SYT2: variants seen among roughly 807,000 people sequenced by gnomAD.
The protein encoded by SYT2 is synaptotagmin-2.
SYT2 carries 15 observed loss-of-function variants against 39.9 expected under a neutral mutation model. The observed-to-expected ratio is 0.38, with a 90% CI of 0.25 to 0.58. SYT2 has a LOEUF of 0.58. Ranked by LOEUF, SYT2 falls within the 20% of genes least tolerant of loss-of-function variation. SYT2 has a pLI of 0.70. For synonymous variants in SYT2, 181 were observed against 204.5 expected, an observed-to-expected ratio of 0.89 and a Z score of 0.98; for missense variants, 389 against 530.3, an observed-to-expected ratio of 0.73 and a Z score of 2.62.
At chr1:202,677,134 T>G (rs891540439) in intron 1 of SYT2, among the ~76,000 whole-genome samples, 1 of 152,222 alleles carries the variant, frequency 6.6e-6, no homozygotes, top group African/African-American at 2.4e-5. Context: ...TGTGAGTTGA[T>G]GAAATCTCTC....
chr1:202,657,447 A>T (rs1692296967), intron 1 of SYT2, among the ~76,000 whole-genome samples: 1 of 152,082 alleles, frequency 6.6e-6, no homozygotes, highest in Non-Finnish European at 1.5e-5. Context: ...CTGGCTTCTT[A>T]GGCATTTGAA....
At chr1:202,709,295 C>T (rs1654330344) in intron 1 of SYT2, among the ~76,000 whole-genome samples, 2 of 152,190 alleles carry the variant, frequency 1.3e-5, no homozygotes, top group Non-Finnish European at 2.9e-5. Context: ...GGACACTGCC[C>T]TGCCAGGAGA....
intron 2 of SYT2, 117 bp downstream of exon 2, chr1:202,605,478 G>A (rs750375487): frequency 8.9e-6 from 9 of 1,010,204 alleles, no homozygotes; most frequent in Non-Finnish European, 1.2e-5. Context: ...AACCCAGCCT[G>A]AAATCTAAGC....
intron 1 of SYT2, among the ~76,000 whole-genome samples, chr1:202,704,958 A>G (rs1302738253): frequency 1.3e-5 from 2 of 152,230 alleles, no homozygotes; most frequent in Non-Finnish European, 2.9e-5. Flanking sequence ...CAATTCCTCC[A>G]AGGAATCACT....
intron 1 of SYT2, among the ~76,000 whole-genome samples, chr1:202,675,370 AAT>A (rs1487339538): frequency 6.7e-6 from 1 of 148,434 alleles, no homozygotes; most frequent in Non-Finnish European, 1.5e-5. Context: ...ATATATAATT[AAT>A]ATATATTATA....
rs144611321 is a variant in SYT2, at chr1:202,681,531, C to T, written c.-18+28727G>A. Among the ~76,000 whole-genome samples, 39 of 152,292 alleles carry T rather than the reference C, an allele frequency of 2.6e-4. 1 individual carries two copies. The highest frequency in any genetic ancestry group is 3.6e-4 in the African/African-American group (15 of 41,572). ...CCGCTGAAAGCCCTTCATCCTTAGGCGGATAAAAAGCTTCAGACCAGAGTG... is the reference window on the plus strand; with the variant it reads ...CCGCTGAAAGCCCTTCATCCTTAGGTGGATAAAAAGCTTCAGACCAGAGTG... On this transcript the variant is annotated intron_variant, in intron 1 of 8. Coordinates refer to ENST00000367268, the MANE Select transcript of SYT2 (RefSeq NM_177402.5).
At position 202,696,610 on chromosome 1, in the gene SYT2, C is replaced by T. The variant is rs141950491; in HGVS notation, c.-18+13648G>A. ...ACAGTTGCACAGAGAGCTTGCTCCA[C>T]GAATGTGTTCCTTGGATAAATGAAT... On this transcript the variant is annotated intron_variant, in intron 1 of 8. Coordinates refer to ENST00000367268, the MANE Select transcript of SYT2 (RefSeq NM_177402.5). Among the ~76,000 whole-genome samples the T allele has an allele frequency of 8.7e-4, 133 of 152,280 alleles. 1 individual carries two copies. The East Asian group carries it at 0.014, about 17-fold the overall frequency.
intron 1 of SYT2, among the ~76,000 whole-genome samples, chr1:202,704,748 C>T (rs2149122957): frequency 6.6e-6 from 1 of 152,134 alleles, no homozygotes; most frequent in Non-Finnish European, 1.5e-5. Flanking sequence ...GCTTTTGGTG[C>T]TGATGACATC....
At chr1:202,699,260 G>A (rs1401737946) in intron 1 of SYT2, among the ~76,000 whole-genome samples, 1 of 152,084 alleles carries the variant, frequency 6.6e-6, no homozygotes, top group African/African-American at 2.4e-5. Context: ...GGGCTCAAGT[G>A]ATCCTCCTGC....
At chr1:202,698,381 T>C (rs1004602145) in intron 1 of SYT2, among the ~76,000 whole-genome samples, 6 of 152,168 alleles carry the variant, frequency 3.9e-5, no homozygotes, top group African/African-American at 1.4e-4. Context: ...CAGGTATGCC[T>C]GGGTAGACAT....
intron 1 of SYT2, among the ~76,000 whole-genome samples, chr1:202,631,370 G>A (rs138331151): frequency 4.7e-4 from 72 of 152,296 alleles, no homozygotes; most frequent in Admixed American, 5.9e-4. Flanking sequence ...AATGGTCCCC[G>A]TAAACACAGC....
Position 202,640,734 on chromosome 1 carries a change from C to CAG in SYT2, c.-17-34947_-17-34946dup, listed in dbSNP as rs56979202. ...TCTACTGCAGAATGGTCCTAATGGT[C>CAG]AGAGAGAGAGAGAGAGAGAGAGAGA... On this transcript the variant is annotated intron_variant, in intron 1 of 8. Coordinates refer to ENST00000367268, the MANE Select transcript of SYT2 (RefSeq NM_177402.5). Among the ~76,000 whole-genome samples, 775 of 90,636 alleles carry CAG rather than the reference C, an allele frequency of 8.6e-3. 9 individuals carry two copies. The highest frequency in any genetic ancestry group is 0.012 in the Middle Eastern group (2 of 168). The allele number at this position is 90,636 out of a possible 152,430, so 59.5% of individuals were successfully genotyped here.
intron 1 of SYT2, among the ~76,000 whole-genome samples, chr1:202,690,553 A>C (rs1572681622): frequency 6.6e-6 from 1 of 152,338 alleles, no homozygotes; most frequent in Non-Finnish European, 1.5e-5. Context: ...GAGTCCCTCC[A>C]GTAATCTAAC....
chr1:202,679,707 T>C (rs1558459300), intron 1 of SYT2, among the ~76,000 whole-genome samples: 2 of 152,158 alleles, frequency 1.3e-5, no homozygotes, highest in Non-Finnish European at 2.9e-5. Flanking sequence ...AGAGTGAACT[T>C]TCTAAAAGGC....
At chr1:202,653,472 C>A (rs907131163) in intron 1 of SYT2, among the ~76,000 whole-genome samples, 30 of 152,028 alleles carry the variant, frequency 2.0e-4, no homozygotes, top group African/African-American at 6.8e-4. Flanking sequence ...GCCGTTACCC[C>A]CACCCCCACC....
chr1:202,662,486 G>A (rs1179176364), intron 1 of SYT2, among the ~76,000 whole-genome samples: 1 of 152,234 alleles, frequency 6.6e-6, no homozygotes, highest in Non-Finnish European at 1.5e-5. Flanking sequence ...TAGTCTACCT[G>A]GACTATGACA....
intron 1 of SYT2, among the ~76,000 whole-genome samples, chr1:202,640,437 T>C (rs1342655453): frequency 2.0e-5 from 3 of 152,106 alleles, no homozygotes; most frequent in African/African-American, 7.2e-5. Context: ...GGCCATGGGG[T>C]CCTGGGAGTC....
chr1:202,654,915 A>G (rs1460186695), intron 1 of SYT2, among the ~76,000 whole-genome samples: 1 of 152,218 alleles, frequency 6.6e-6, no homozygotes, highest in African/African-American at 2.4e-5. Context: ...AGAGAGGTAG[A>G]ATGTTCAAGA....
At chr1:202,656,041 A>G (rs1692271958) in intron 1 of SYT2, among the ~76,000 whole-genome samples, 1 of 152,156 alleles carries the variant, frequency 6.6e-6, no homozygotes, top group Non-Finnish European at 1.5e-5. Flanking sequence ...GTGTGCAGAG[A>G]GGAGTGGGTG....
Sources: gnomAD v4.1 joint callset for allele counts (sites outside exome capture counted in the v4.1 genomes callset) on GRCh38, gnomAD v4.1.1 for gene constraint, MANE v1.5 for transcripts, NCBI Gene and HGNC (gene_info 2026-07-23, HGNC 2026-07-21) for gene names.